NOS1AP: variants seen among roughly 807,000 people sequenced by gnomAD.
NOS1AP encodes the protein nitric oxide synthase 1 adaptor protein, also known as carboxyl-terminal PDZ ligand of neuronal nitric oxide synthase protein.
In NOS1AP, 21 loss-of-function variants were observed where a neutral mutation model predicts 56.2. That is an observed-to-expected ratio of 0.37 (90% confidence interval 0.26 to 0.54). The LOEUF (loss-of-function observed/expected upper bound fraction) is 0.54, where lower values mean the gene tolerates loss of function less well. Among genes scored for constraint, NOS1AP ranks in the 20% least tolerant of loss-of-function variants. The pLI is 0.84. For missense variants in NOS1AP, 522 were observed against 657.8 expected, an observed-to-expected ratio of 0.79 and a Z score of 2.26; for synonymous variants, 270 against 274.6, an observed-to-expected ratio of 0.98 and a Z score of 0.17.
At chr1:162,078,013 G>A (rs1691807763) in intron 1 of NOS1AP, among the ~76,000 whole-genome samples, 1 of 152,108 alleles carries the variant, frequency 6.6e-6, no homozygotes, top group Non-Finnish European at 1.5e-5. Flanking sequence ...CTAGTCCTCT[G>A]TGGAATGCCT....
At chr1:162,075,787 T>TG (rs1266027900) in intron 1 of NOS1AP, among the ~76,000 whole-genome samples, 1 of 150,702 alleles carries the variant, frequency 6.6e-6, no homozygotes, top group African/African-American at 2.4e-5. Context: ...TTTTTTTTGG[T>TG]GGGGGGCAGT....
intron 1 of NOS1AP, among the ~76,000 whole-genome samples, chr1:162,099,243 A>C (rs1048434054): frequency 1.3e-5 from 2 of 149,182 alleles, no homozygotes; most frequent in African/African-American, 4.9e-5. Context: ...GCTGCAGTGC[A>C]GTGGCACGAC....
chr1:162,165,309 G>A (rs570770571), intron 2 of NOS1AP, among the ~76,000 whole-genome samples: 11 of 151,948 alleles, frequency 7.2e-5, no homozygotes, highest in Non-Finnish European at 1.2e-4. Context: ...TAACAAGAGC[G>A]AAACTCTGTC....
intron 2 of NOS1AP, among the ~76,000 whole-genome samples, chr1:162,227,212 A>G (rs1652974085): frequency 1.3e-5 from 2 of 152,100 alleles, no homozygotes; most frequent in South Asian, 4.1e-4. Context: ...ATGTTGTTTA[A>G]TCTATTTCTA....
chr1:162,085,358 G>A (rs1218600662), intron 1 of NOS1AP, among the ~76,000 whole-genome samples: 1 of 151,996 alleles, frequency 6.6e-6, no homozygotes, highest in African/African-American at 2.4e-5. Flanking sequence ...TCTCCATATT[G>A]GGAGCCTCCC....
intron 2 of NOS1AP, among the ~76,000 whole-genome samples, chr1:162,158,019 G>C (rs140693166): frequency 2.0e-5 from 3 of 152,112 alleles, no homozygotes; most frequent in Non-Finnish European, 4.4e-5. Context: ...GGTGGTAAAT[G>C]TGTAACATTA....
Position 162,274,000 on chromosome 1 carries a change from G to T in NOS1AP, c.178-13344G>T, listed in dbSNP as rs368427340. ...GATATTTGAGTCGTTTCTAATTTTG[G>T]TAATTATAATAGAGCTGTTAAACAT... On this transcript the variant is annotated intron_variant, in intron 2 of 9. Coordinates refer to ENST00000361897, the MANE Select transcript of NOS1AP (RefSeq NM_014697.3). 5.9e-5 allele frequency among the ~76,000 whole-genome samples: 9 copies of T among 152,096 alleles called. No homozygotes were observed. The East Asian group carries it at 1.3e-3, about 23-fold the overall frequency.
chr1:162,287,405 G>C lies in NOS1AP; in HGVS notation c.239G>C (p.Gly80Ala). ...KKVSIMVSVD[G>A]VKVILKKKKK... Reference sequence around the variant, plus strand: ...GTGAGCATTATGGTTTCAGTGGATGGAGTGAAAGTGATTCTGAAGAAGAAG... The same window carrying C: ...GTGAGCATTATGGTTTCAGTGGATGCAGTGAAAGTGATTCTGAAGAAGAAG... Residue 80 changes from glycine (G) to alanine (A), a missense_variant, in exon 3 of 10, where the codon GGA (glycine) becomes GCA (alanine). By Grantham distance (60) the Gly-to-Ala change is moderately conservative. Transcript: ENST00000361897. The C allele has an allele frequency of 4.3e-6, 7 of 1,613,078 alleles. No individual in the cohort carries two copies. The highest frequency in any genetic ancestry group is 5.9e-6 in the Non-Finnish European group (7 of 1,179,034).
chr1:162,217,205 T>C (rs1008195886), intron 2 of NOS1AP, among the ~76,000 whole-genome samples: 3 of 150,668 alleles, frequency 2.0e-5, no homozygotes, highest in African/African-American at 7.3e-5. Flanking sequence ...TGGGTCCAAA[T>C]TGGTACTCTT....
At chr1:162,152,927 C>T (rs1206900634) in intron 1 of NOS1AP, among the ~76,000 whole-genome samples, 1 of 151,952 alleles carries the variant, frequency 6.6e-6, no homozygotes, top group African/African-American at 2.4e-5. Context: ...TTAGTCTGGG[C>T]TCTTAATTTC....
intron 4 of NOS1AP, among the ~76,000 whole-genome samples, chr1:162,313,814 G>T (rs1450354386): frequency 6.6e-6 from 1 of 152,148 alleles, no homozygotes; most frequent in Non-Finnish European, 1.5e-5. Flanking sequence ...GTGATCTCAG[G>T]TTGAAGCTTC....
At position 162,165,143 on chromosome 1, in the gene NOS1AP, G is replaced by A. The variant is rs569645890; in HGVS notation, c.177+10667G>A. Among the ~76,000 whole-genome samples, 328 of 152,080 alleles carry A rather than the reference G, an allele frequency of 2.2e-3. 1 individual carries two copies. Among genetic ancestry groups the A allele is most frequent in the Non-Finnish European group, 3.3e-3 (223 of 68,014 alleles). On this transcript the variant is annotated intron_variant, in intron 2 of 9. Coordinates refer to ENST00000361897, the MANE Select transcript of NOS1AP (RefSeq NM_014697.3). The stretch of plus-strand genomic sequence containing the variant: ...TCAAGACCAGCCTGACCAACATGGA[G>A]AAACCCTGTCTCTACTAAAAATACA...
intron 8 of NOS1AP, among the ~76,000 whole-genome samples, chr1:162,360,172 C>T (rs6427670): frequency 0.32 from 48,067 of 151,904 alleles, 8,261 homozygotes; most frequent in East Asian, 0.46. Flanking sequence ...CAAAGGGGCC[C>T]GCCCTGACCT....
chr1:162,290,344 T>A (rs1655248335), intron 3 of NOS1AP, among the ~76,000 whole-genome samples: 1 of 151,060 alleles, frequency 6.6e-6, no homozygotes, highest in East Asian at 1.9e-4. Context: ...ACACAATCTC[T>A]GACAGATGAA....
intron 1 of NOS1AP, among the ~76,000 whole-genome samples, chr1:162,111,495 G>A (rs975762149): frequency 1.3e-5 from 2 of 152,164 alleles, no homozygotes; most frequent in African/African-American, 4.8e-5. Context: ...TGTCCCAGAG[G>A]AATGACATAT....
At chr1:162,173,045 C>A (rs1303244899) in intron 2 of NOS1AP, among the ~76,000 whole-genome samples, 1 of 152,154 alleles carries the variant, frequency 6.6e-6, no homozygotes, top group Admixed American at 6.5e-5. Flanking sequence ...CTGCACACTG[C>A]AGCCCCCTGA....
At chr1:162,293,922 T>G (rs6692467) in intron 3 of NOS1AP, among the ~76,000 whole-genome samples, 40,126 of 151,928 alleles carry the variant, frequency 0.26, 5,513 homozygotes, top group East Asian at 0.43. Flanking sequence ...ATGGAGGAAA[T>G]GACTTTTTTC....
intron 4 of NOS1AP, among the ~76,000 whole-genome samples, chr1:162,301,094 T>C (rs1655637010): frequency 6.6e-6 from 1 of 152,196 alleles, no homozygotes. Flanking sequence ...CTTCCACCTC[T>C]CTACCCCTTC....
rs73017363 is a variant in NOS1AP, at chr1:162,214,343, G to A, written c.177+59867G>A. ...TACTCTTTGCCCAGCACTATGCTGC[G>A]TGCCCGCCTCCAGACAGAGAGGTGA... On this transcript the variant is annotated intron_variant, in intron 2 of 9. Coordinates refer to ENST00000361897, the MANE Select transcript of NOS1AP (RefSeq NM_014697.3). Among the ~76,000 whole-genome samples, 669 of 152,156 alleles carry A rather than the reference G, an allele frequency of 4.4e-3. 7 individuals are homozygous for A. Among genetic ancestry groups the A allele is most frequent in the African/African-American group, 0.015 (631 of 41,490 alleles).
Sources: allele counts gnomAD v4.1 joint callset (sites outside exome capture counted in the v4.1 genomes callset), GRCh38; gene constraint gnomAD v4.1.1; transcripts MANE v1.5; gene names NCBI Gene and HGNC (gene_info 2026-07-23, HGNC 2026-07-21).